RPH3A: variants seen among roughly 807,000 people sequenced by gnomAD.
RPH3A encodes the protein rabphilin 3A.
RPH3A carries 48 observed loss-of-function variants against 102.2 expected under a neutral mutation model. That is an observed-to-expected ratio of 0.47 (90% CI 0.37 to 0.60). RPH3A has a LOEUF of 0.60. Ranked by LOEUF, RPH3A falls within the 20% of genes least tolerant of loss-of-function variation. The probability of loss-of-function intolerance (pLI) is 0.00; values close to 1 mark genes in which losing one functional copy is unlikely to be tolerated. For synonymous variants in RPH3A, 310 were observed against 324.3 expected, an observed-to-expected ratio of 0.96 and a Z score of 0.47; for missense variants, 781 against 910.1, an observed-to-expected ratio of 0.86 and a Z score of 1.83.
intron 1 of RPH3A, among the ~76,000 whole-genome samples, chr12:112,683,890 T>C (rs940323398): frequency 6.6e-6 from 1 of 152,324 alleles, no homozygotes; most frequent in Non-Finnish European, 1.5e-5. Flanking sequence ...CAGTGTCTTC[T>C]ATAATTTCTT....
chr12:112,890,660 C>A (rs1328867711), intron 18 of RPH3A, among the ~76,000 whole-genome samples, 189 bp from the exon 19 acceptor site: 1 of 152,222 alleles, frequency 6.6e-6, no homozygotes, highest in Non-Finnish European at 1.5e-5. Context: ...CCCCATGTGC[C>A]TGAGACTGGT....
At chr12:112,879,764 A>T (rs1365587537) in intron 14 of RPH3A, among the ~76,000 whole-genome samples, 1 of 152,164 alleles carries the variant, frequency 6.6e-6, no homozygotes, top group Non-Finnish European at 1.5e-5. Context: ...AAAGTAATTG[A>T]CTAGGATTGA....
At chr12:112,736,393 T>A (rs1046045298) in intron 1 of RPH3A, among the ~76,000 whole-genome samples, 7 of 152,236 alleles carry the variant, frequency 4.6e-5, no homozygotes, top group African/African-American at 1.7e-4. Context: ...GTTGTACTTA[T>A]TTGCCTTCTG....
intron 3 of RPH3A, among the ~76,000 whole-genome samples, chr12:112,829,269 TTTTTTTTTTC>T (rs1473480695): frequency 3.1e-5 from 3 of 97,534 alleles, no homozygotes; most frequent in Non-Finnish European, 6.5e-5. Context: ...GAGAAAGGCT[TTTTTTTTTTC>T]TTTTTTTTTC....
In RPH3A at chr12:112,595,593, C is replaced by T. The variant is rs181693582; in HGVS notation, c.-140+20274C>T. On this transcript the variant is annotated intron_variant, in intron 1 of 21. Transcript: ENST00000543106. ...TGGCATTGGTGGAGAAGTTCACCCA[C>T]CCACGCAGGACCGTCATTCAACCCC... is the stretch of plus-strand genomic sequence containing the variant. 3.2e-3 allele frequency among the ~76,000 whole-genome samples: 485 copies of T among 152,244 alleles called. 4 individuals are homozygous for T. The highest frequency in any genetic ancestry group is 0.01 in the African/African-American group (428 of 41,540).
At chr12:112,886,874 A>G (rs2043009720) in intron 16 of RPH3A, among the ~76,000 whole-genome samples, 1 of 152,230 alleles carries the variant, frequency 6.6e-6, no homozygotes, top group Non-Finnish European at 1.5e-5. Context: ...ACTTTGCAAA[A>G]GAGGATGCTC....
chr12:112,667,534 A>G (rs1179476153), intron 1 of RPH3A, among the ~76,000 whole-genome samples: 1 of 152,044 alleles, frequency 6.6e-6, no homozygotes, highest in Admixed American at 6.6e-5. Flanking sequence ...AATCAGGATA[A>G]TTTAAGGACA....
intron 1 of RPH3A, among the ~76,000 whole-genome samples, chr12:112,749,704 G>T (rs572333125): frequency 6.6e-6 from 1 of 152,304 alleles, no homozygotes; most frequent in East Asian, 1.9e-4. Flanking sequence ...ATTAACAGGT[G>T]AGAAAGGAGA....
upstream of RPH3A, among the ~76,000 whole-genome samples, chr12:112,787,719 A>C (rs889340226): frequency 6.6e-5 from 10 of 152,208 alleles, no homozygotes; most frequent in Admixed American, 1.3e-4. Context: ...AGTTTCATAG[A>C]ACAGAAATGA....
At chr12:112,794,112 A>G (rs543287622) in intron 2 of RPH3A, among the ~76,000 whole-genome samples, 2 of 152,180 alleles carry the variant, frequency 1.3e-5, no homozygotes, top group African/African-American at 2.4e-5. Context: ...CCCCCATCAC[A>G]TTTGAAGTGG....
intron 5 of RPH3A, among the ~76,000 whole-genome samples, chr12:112,848,181 G>A (rs376643635): frequency 6.6e-6 from 1 of 152,088 alleles, no homozygotes; most frequent in African/African-American, 2.4e-5. Flanking sequence ...TGCAAGAAGC[G>A]GGGTGGGTGT....
In RPH3A at chr12:112,727,452, GACACAGACACACACACAC is replaced by G. The variant is rs1565862467; in HGVS notation, c.-139-64685_-139-64668del. Among the ~76,000 whole-genome samples the G allele has an allele frequency of 1.6e-3, 83 of 51,768 alleles. 2 individuals carry two copies. In the Middle Eastern group the frequency reaches 0.06, roughly 37 times the overall value. The allele number at this position is 51,768 out of a possible 152,430, so 34.0% of individuals were successfully genotyped here. ...ACACACACACATACATACACACACAGACACAGACACACACACACACACACACACACACACACACAGACC... is the reference window on the plus strand; with the variant it reads ...ACACACACACATACATACACACACAGACACACACACACACACACACAGACC... On this transcript the variant is annotated intron_variant, in intron 1 of 21. Transcript: ENST00000543106.
At chr12:112,841,940 G>T in intron 4 of RPH3A, 1 of 455,900 alleles carries the variant, frequency 2.2e-6, no homozygotes, top group South Asian at 1.5e-5. Context: ...CTCCTGAATA[G>T]CTAAATCAAC....
chr12:112,589,526 T>C (rs2039461335), intron 1 of RPH3A, among the ~76,000 whole-genome samples: 1 of 152,204 alleles, frequency 6.6e-6, no homozygotes, highest in Non-Finnish European at 1.5e-5. Flanking sequence ...GAGATTTGCC[T>C]GGCTCTCCCA....
intron 4 of RPH3A, among the ~76,000 whole-genome samples, chr12:112,838,565 G>A (rs2042092352): frequency 6.6e-6 from 1 of 152,180 alleles, no homozygotes; most frequent in East Asian, 1.9e-4. Context: ...GCATCCAAGG[G>A]GAAGGGAGGG....
chr12:112,761,253 G>A (rs1274618537), intron 1 of RPH3A, among the ~76,000 whole-genome samples: 2 of 152,216 alleles, frequency 1.3e-5, no homozygotes, highest in Admixed American at 1.3e-4. Flanking sequence ...TAAGATTTCA[G>A]GAGGCTTTGA....
intron 1 of RPH3A, among the ~76,000 whole-genome samples, chr12:112,646,944 T>A (rs966415814): frequency 3.9e-5 from 6 of 152,146 alleles, no homozygotes. Context: ...CACTGGAGGG[T>A]ATGCATCCCA....
At chr12:112,687,492 G>T (rs1461790109) in intron 1 of RPH3A, among the ~76,000 whole-genome samples, 2 of 152,218 alleles carry the variant, frequency 1.3e-5, no homozygotes, top group African/African-American at 2.4e-5. Context: ...CTGCAAAGGA[G>T]GCTGGGGACA....
intron 1 of RPH3A, among the ~76,000 whole-genome samples, chr12:112,706,813 C>T (rs2040430248): frequency 1.3e-5 from 2 of 152,172 alleles, no homozygotes; most frequent in African/African-American, 4.8e-5. Flanking sequence ...GATGTCCTCT[C>T]ATACTGACAT....
Sources: gnomAD v4.1 joint callset for allele counts (sites outside exome capture counted in the v4.1 genomes callset) on GRCh38, gnomAD v4.1.1 for gene constraint, MANE v1.5 for transcripts, NCBI Gene and HGNC (gene_info 2026-07-23, HGNC 2026-07-21) for gene names.